Variants in ACSS3 observed in about 807,000 individuals in gnomAD.
ACSS3 encodes the protein acyl-CoA synthetase short-chain family member 3, mitochondrial.
Under a neutral mutation model 84.2 loss-of-function variants are expected in ACSS3, and 64 were observed. The observed-to-expected ratio is 0.76, with a 90% confidence interval of 0.62 to 0.94. The LOEUF (loss-of-function observed/expected upper bound fraction) is 0.94. Ranked by LOEUF, ACSS3 falls within the 40% of genes least tolerant of loss-of-function variation. ACSS3 has a pLI of 0.00. For synonymous variants in ACSS3, 317 were observed against 310.1 expected, an observed-to-expected ratio of 1.02 and a Z score of -0.23; for missense variants, 815 against 867.6, an observed-to-expected ratio of 0.94 and a Z score of 0.76.
At chr12:81,247,710 T>C (rs1049325110) in intron 13 of ACSS3, among the ~76,000 whole-genome samples, 4 of 152,166 alleles carry the variant, frequency 2.6e-5, no homozygotes, top group Non-Finnish European at 5.9e-5. Context: ...TGTGAACTGA[T>C]ACTTTATACT....
At chr12:81,137,620 TC>T (rs1885879195) in intron 3 of ACSS3, among the ~76,000 whole-genome samples, 1 of 152,158 alleles carries the variant, frequency 6.6e-6, no homozygotes, top group Non-Finnish European at 1.5e-5. Flanking sequence ...CAATAAGATC[TC>T]CCATAAGACT....
At chr12:81,240,364 C>G (rs2135989132) in intron 13 of ACSS3, among the ~76,000 whole-genome samples, 1 of 152,076 alleles carries the variant, frequency 6.6e-6, no homozygotes, top group Non-Finnish European at 1.5e-5. Flanking sequence ...ATTAACATAA[C>G]TACTCCTACT....
chr12:81,111,490 C>CCCCCTA (rs1174211721), intron 2 of ACSS3, among the ~76,000 whole-genome samples: 1 of 152,178 alleles, frequency 6.6e-6, no homozygotes, highest in African/African-American at 2.4e-5. Context: ...ATAGCATCTT[C>CCCCCTA]ACTTAGCACC....
chr12:81,146,070 A>T (rs1278349161), intron 5 of ACSS3, among the ~76,000 whole-genome samples: 1 of 152,126 alleles, frequency 6.6e-6, no homozygotes, highest in Non-Finnish European at 1.5e-5. Context: ...TTTTTATGGC[A>T]CTTATTTTAA....
At chr12:81,082,476 A>G (rs7978621) in intron 1 of ACSS3, among the ~76,000 whole-genome samples, 64,967 of 151,938 alleles carry the variant, frequency 0.43, 15,785 homozygotes, top group Non-Finnish European at 0.56. Flanking sequence ...GGAGTTAGAC[A>G]TGTGAGAAGT....
chr12:81,122,342 C>A (rs968487170), intron 2 of ACSS3, among the ~76,000 whole-genome samples: 4 of 151,924 alleles, frequency 2.6e-5, no homozygotes, highest in Admixed American at 2.6e-4. Flanking sequence ...AGAAACACTA[C>A]AATAAAGAAT....
At chr12:81,141,017 A>C (rs1886067975) in intron 4 of ACSS3, among the ~76,000 whole-genome samples, 1 of 152,208 alleles carries the variant, frequency 6.6e-6, no homozygotes. Flanking sequence ...TCATAGCCCA[A>C]AGTCACGGCT....
At chr12:81,099,444 A>G (rs1882328636) in intron 1 of ACSS3, among the ~76,000 whole-genome samples, 1 of 152,226 alleles carries the variant, frequency 6.6e-6, no homozygotes, top group African/African-American at 2.4e-5. Context: ...TAAAGTTGCA[A>G]CATTATGACA....
At chr12:81,228,069 A>T (rs774728188) in intron 11 of ACSS3, among the ~76,000 whole-genome samples, 3 of 151,858 alleles carry the variant, frequency 2.0e-5, no homozygotes, top group African/African-American at 4.8e-5. Context: ...CTTAATGATT[A>T]AGATTAAAGG....
intron 1 of ACSS3, among the ~76,000 whole-genome samples, chr12:81,094,147 A>AT (rs71098116): frequency 1.0e-3 from 150 of 143,132 alleles, no homozygotes; most frequent in Non-Finnish European, 1.7e-3. Context: ...CCAAGGATAT[A>AT]TTTTTTTTTC....
chr12:81,078,991 T>C (rs763861024), intron 1 of ACSS3, among the ~76,000 whole-genome samples: 3 of 152,068 alleles, frequency 2.0e-5, no homozygotes, highest in Non-Finnish European at 4.4e-5. Flanking sequence ...TTGTGTTGGC[T>C]GGAGAGGTGG....
intron 9 of ACSS3, among the ~76,000 whole-genome samples, chr12:81,206,198 T>C (rs2032338121): frequency 6.6e-6 from 1 of 152,136 alleles, no homozygotes; most frequent in Non-Finnish European, 1.5e-5. Flanking sequence ...CTCAGTAATT[T>C]CTGAGTCTAT....
chr12:81,188,104 A>G (rs2031371027), intron 8 of ACSS3, among the ~76,000 whole-genome samples: 1 of 151,998 alleles, frequency 6.6e-6, no homozygotes, highest in Non-Finnish European at 1.5e-5. Context: ...AGAGATATTC[A>G]GAGTATCTCT....
At chr12:81,215,544 G>A (rs1282446344) in intron 9 of ACSS3, among the ~76,000 whole-genome samples, 1 of 152,158 alleles carries the variant, frequency 6.6e-6, no homozygotes, top group Non-Finnish European at 1.5e-5. Flanking sequence ...TTATGGTAGA[G>A]CCCATGGTAG....
intron 7 of ACSS3, among the ~76,000 whole-genome samples, chr12:81,170,179 T>C (rs1182482521): frequency 6.6e-6 from 1 of 152,148 alleles, no homozygotes; most frequent in Non-Finnish European, 1.5e-5. Context: ...TATAATTTTA[T>C]TTTGCTAAGT....
At chr12:81,179,162 T>A (rs1593165844) in intron 8 of ACSS3, among the ~76,000 whole-genome samples, 1 of 147,668 alleles carries the variant, frequency 6.8e-6, no homozygotes, top group African/African-American at 2.5e-5. Context: ...ATAAAAGACT[T>A]AAATATAAAA....
intron 7 of ACSS3, among the ~76,000 whole-genome samples, chr12:81,170,426 A>G (rs7488751): frequency 0.19 from 28,521 of 152,082 alleles, 2,929 homozygotes; most frequent in East Asian, 0.4. Context: ...AATATTAGCA[A>G]TTGATGTTTT....
chr12:81,233,376 T>A lies in ACSS3; in HGVS notation c.1624T>A (p.Tyr542Asn), dbSNP rs1261122208. 13 of 1,610,842 alleles carry A rather than the reference T, an allele frequency of 8.1e-6. No individual in the cohort carries two copies. Among genetic ancestry groups the A allele is most frequent in the Admixed American group, 1.7e-5 (1 of 59,786 alleles). ...ATATTATGATACCATGGATGCTGGT[T>A]ACATGGATGAAGAAGGCTATTTGTA... is the stretch of plus-strand genomic sequence containing the variant. The part of the protein sequence containing the change: ...PGYYDTMDAG[Y>N]MDEEGYLYVM... The change falls in exon 13 of 16, where the codon TAC (tyrosine) becomes AAC (asparagine). Residue 542 changes from tyrosine (Y) to asparagine (N), a missense_variant. By Grantham distance (143) the Tyr-to-Asn change is moderately radical. Coordinates refer to ENST00000548058, the MANE Select transcript of ACSS3 (RefSeq NM_024560.4).
rs761091790 is a variant in ACSS3, at chr12:81,078,448, C to G, written c.311+17C>G. ...TACCAGGTGGTGAGTGACTTCTGTGCCAACCCTGATCCCCCATCCCTGGTA... is the reference window on the plus strand; with the variant it reads ...TACCAGGTGGTGAGTGACTTCTGTGGCAACCCTGATCCCCCATCCCTGGTA... On this transcript the variant is annotated intron_variant, in intron 1 of 15. Coordinates refer to ENST00000548058, the MANE Select transcript of ACSS3 (RefSeq NM_024560.4). 8.7e-6 allele frequency: 14 copies of G among 1,610,672 alleles called. No individual in the cohort carries two copies. The highest frequency in any genetic ancestry group is 1.2e-5 in the Non-Finnish European group (14 of 1,179,864).
Sources: gnomAD v4.1 joint callset for allele counts (sites outside exome capture counted in the v4.1 genomes callset) on GRCh38, gnomAD v4.1.1 for gene constraint, MANE v1.5 for transcripts, NCBI Gene and HGNC (gene_info 2026-07-23, HGNC 2026-07-21) for gene names.